HSP90AA1: variants seen among roughly 807,000 people sequenced by gnomAD.
HSP90AA1 encodes heat shock protein 90 alpha family class A member 1.
Under a neutral mutation model 73.3 loss-of-function variants are expected in HSP90AA1, and 18 were observed. The observed-to-expected ratio is 0.25, with a 90% CI of 0.17 to 0.36. The LOEUF is 0.36. HSP90AA1 is among the 10% of genes least tolerant of loss of function. HSP90AA1 has a pLI of 1.00. For missense variants in HSP90AA1, 704 were observed against 874.2 expected (o/e 0.81, Z 2.45); for synonymous variants, 477 against 296.9 (o/e 1.61, Z -6.24).
chr14:102,107,400 C>A (rs1202899384), intron 1 of HSP90AA1, among the ~76,000 whole-genome samples: 1 of 152,044 alleles, frequency 6.6e-6, no homozygotes, highest in Non-Finnish European at 1.5e-5. Flanking sequence ...TCTCGGCTCA[C>A]TGCAACCTCT....
chr14:102,082,806 G>A, intron 9 of HSP90AA1: 1 of 547,212 alleles, frequency 1.8e-6, no homozygotes, highest in Non-Finnish European at 3.3e-6. Context: ...ATTTTTAGTA[G>A]AGACTGAGTT....
upstream of HSP90AA1, among the ~76,000 whole-genome samples, chr14:102,088,301 TTGTCTC>T (rs1176795172): frequency 4.6e-5 from 7 of 152,172 alleles, no homozygotes; most frequent in Non-Finnish European, 8.8e-5. Flanking sequence ...CTCTTCCTCT[TTGTCTC>T]TGGCGCCTCC....
chr14:102,114,145 A>G (rs2152622574), intron 1 of HSP90AA1, among the ~76,000 whole-genome samples: 1 of 152,156 alleles, frequency 6.6e-6, no homozygotes, highest in African/African-American at 2.4e-5. Context: ...GTGCGCTAGC[A>G]CACTGGGCTA....
In HSP90AA1 at chr14:102,085,295, T is replaced by C. The variant is rs371220969; in HGVS notation, c.663+3A>G. ...TTCACTCTGCAATTACATAAAAACTTACAAAAAGAGTAATGGGATATCCAA... is the reference window on the plus strand; with the variant it reads ...TTCACTCTGCAATTACATAAAAACTCACAAAAAGAGTAATGGGATATCCAA... On this transcript the variant is annotated splice_donor_region_variant and intron_variant, in intron 4 of 10. Coordinates refer to ENST00000216281, the MANE Select transcript of HSP90AA1 (RefSeq NM_005348.4). 1.4e-5 allele frequency: 23 copies of C among 1,611,066 alleles called. No homozygotes were observed. The highest frequency in any genetic ancestry group is 2.0e-5 in the Non-Finnish European group (23 of 1,178,266).
At chr14:102,100,415 C>G (rs1406498597) in intron 2 of HSP90AA1, among the ~76,000 whole-genome samples, 1 of 139,656 alleles carries the variant, frequency 7.2e-6, no homozygotes, top group Non-Finnish European at 1.5e-5. Context: ...AACAAAATTT[C>G]CAGTCTGGTT....
chr14:102,135,815 C>G (rs1400761801), intron 1 of HSP90AA1, among the ~76,000 whole-genome samples: 1 of 152,248 alleles, frequency 6.6e-6, no homozygotes, highest in Non-Finnish European at 1.5e-5. Context: ...GTGCGGGGCC[C>G]GCCAAGCCCA....
chr14:102,111,339 A>C (rs2049639313), intron 1 of HSP90AA1, among the ~76,000 whole-genome samples: 1 of 152,236 alleles, frequency 6.6e-6, no homozygotes, highest in South Asian at 2.1e-4. Flanking sequence ...CAGCCACTCC[A>C]GCCATGGCTA....
chr14:102,102,847 GCAACATAGTAAGACCCCC>G (rs2049512342), intron 1 of HSP90AA1, among the ~76,000 whole-genome samples: 1 of 151,980 alleles, frequency 6.6e-6, no homozygotes, highest in Non-Finnish European at 1.5e-5. Flanking sequence ...CCTAGCCTGG[GCAACATAGTAAGACCCCC>G]CAAAAAAGAA....
chr14:102,118,232 T>C (rs2049731199), intron 1 of HSP90AA1, among the ~76,000 whole-genome samples: 1 of 152,122 alleles, frequency 6.6e-6, no homozygotes, highest in Non-Finnish European at 1.5e-5. Context: ...CCACAGAGGT[T>C]TCTAGCCAGA....
At position 102,085,316 on chromosome 14, in the gene HSP90AA1, T is replaced by A. The variant is rs771718403; in HGVS notation, c.645A>T (p.Gly215=). ...EIVKKHSQFI[G]YPITLFVEKE... Reference sequence around the variant, plus strand: ...AACTTACAAAAAGAGTAATGGGATATCCAATAAACTGAGAATGTTTCTTCA... The same window carrying A: ...AACTTACAAAAAGAGTAATGGGATAACCAATAAACTGAGAATGTTTCTTCA... Residue 215 remains glycine, a synonymous_variant, in exon 4 of 11, where the codon GGA becomes GGT. Transcript: ENST00000216281. 2 of 1,611,958 alleles carry A rather than the reference T, an allele frequency of 1.2e-6. No homozygotes were observed.
intron 2 of HSP90AA1, among the ~76,000 whole-genome samples, chr14:102,092,746 G>GT (rs1394341997): frequency 6.6e-6 from 1 of 152,058 alleles, no homozygotes; most frequent in Non-Finnish European, 1.5e-5. Context: ...CTTTAAACAT[G>GT]TGCAGTTTAT....
rs868692403 is a variant in HSP90AA1, at chr14:102,137,161, T to C, written c.155+2089A>G. Among the ~76,000 whole-genome samples the C allele has an allele frequency of 4.6e-5, 7 of 150,932 alleles. No individual in the cohort carries two copies. In the Middle Eastern group the frequency reaches 0.01, roughly 223 times the overall value. On this transcript the variant is annotated intron_variant, in intron 1 of 11. Transcript: ENST00000334701. ...CTTGGGAGGCGGAGAGCTGAGACTG[T>C]GCCACTGCACTCCAGCCTGCGGAGA... is the stretch of plus-strand genomic sequence containing the variant.
chr14:102,121,665 TA>T (rs1374559885), intron 1 of HSP90AA1, among the ~76,000 whole-genome samples: 1 of 152,166 alleles, frequency 6.6e-6, no homozygotes, highest in South Asian at 2.1e-4. Flanking sequence ...AATGTGATAG[TA>T]AAAAATAGTT....
intron 2 of HSP90AA1, among the ~76,000 whole-genome samples, chr14:102,093,743 C>T (rs1483610013): frequency 6.6e-6 from 1 of 152,104 alleles, no homozygotes; most frequent in South Asian, 2.1e-4. Flanking sequence ...GAGGCCGAGG[C>T]GAGTGGATCA....
chr14:102,134,704 A>G (rs535730895), intron 1 of HSP90AA1, among the ~76,000 whole-genome samples: 8 of 152,122 alleles, frequency 5.3e-5, no homozygotes, highest in Non-Finnish European at 1.0e-4. Flanking sequence ...TCAGGAGTGA[A>G]GCTGCAAATC....
intron 1 of HSP90AA1, 116 bp from the exon 2 acceptor site, chr14:102,086,494 G>A: frequency 2.5e-6 from 3 of 1,203,738 alleles, no homozygotes; most frequent in South Asian, 2.4e-5. Context: ...CGAAGTTTAA[G>A]TAAACCGAAA....
At chr14:102,093,178 T>C (rs2049380619) in intron 2 of HSP90AA1, among the ~76,000 whole-genome samples, 1 of 150,364 alleles carries the variant, frequency 6.7e-6, no homozygotes, top group African/African-American at 2.4e-5. Context: ...ATCAGTGTAG[T>C]GTGGGAAAAG....
intron 1 of HSP90AA1, among the ~76,000 whole-genome samples, chr14:102,137,633 A>G (rs914580618): frequency 3.3e-5 from 5 of 152,070 alleles, no homozygotes; most frequent in Non-Finnish European, 7.4e-5. Context: ...ATTCAGGCCT[A>G]GTTATTTAGA....
rs547938193 is a variant in HSP90AA1 at position 102,086,995 on chromosome 14, G to A, written c.-10C>T. On this transcript the variant is annotated 5_prime_UTR_variant, in exon 1 of 11. Transcript: ENST00000216281. The stretch of plus-strand genomic sequence containing the variant: ...CACAACCACCCGTCACCTTGGCTAA[G>A]TGACCGCACAGGACCAACGGCACAG... 288 of 985,296 alleles carry A rather than the reference G, an allele frequency of 2.9e-4. 1 individual carries two copies. In the African/African-American group the frequency reaches 4.6e-3, roughly 16 times the overall value. The allele number at this position is 985,296 out of a possible 1,614,324, so 61.0% of individuals were successfully genotyped here.
Sources: allele counts gnomAD v4.1 joint callset (sites outside exome capture counted in the v4.1 genomes callset), GRCh38; gene constraint gnomAD v4.1.1; transcripts MANE v1.5; gene names NCBI Gene and HGNC (gene_info 2026-07-23, HGNC 2026-07-21).